RBFOX1: variants seen among roughly 807,000 people sequenced by gnomAD.
RBFOX1 encodes the protein RNA binding protein fox-1 homolog 1.
A neutral mutation model predicts 57.7 loss-of-function variants in RBFOX1; 8 were observed. The observed-to-expected ratio is 0.14, with a 90% CI of 0.08 to 0.25. The LOEUF (loss-of-function observed/expected upper bound fraction) is 0.25. Among genes scored for constraint, RBFOX1 ranks in the 10% least tolerant of loss-of-function variants. The pLI is 1.00. For missense variants in RBFOX1, 611 were observed against 548.5 expected, an observed-to-expected ratio of 1.11 and a Z score of -1.14; for synonymous variants, 326 against 222.4, an observed-to-expected ratio of 1.47 and a Z score of -4.15.
chr16:7,509,011 T>A (rs2074247326), intron 4 of RBFOX1, among the ~76,000 whole-genome samples: 1 of 152,202 alleles, frequency 6.6e-6, no homozygotes, highest in Non-Finnish European at 1.5e-5. Context: ...GTTGTTGTAG[T>A]TTTCATAATA....
intron 3 of RBFOX1, among the ~76,000 whole-genome samples, chr16:6,750,665 G>C (rs1477636309): frequency 6.6e-6 from 1 of 152,072 alleles, no homozygotes; most frequent in East Asian, 1.9e-4. Context: ...CTGGGACAGG[G>C]GTGTTCATTG....
chr16:6,678,447 A>G (rs756877808), intron 3 of RBFOX1, among the ~76,000 whole-genome samples: 1 of 151,762 alleles, frequency 6.6e-6, no homozygotes, highest in Non-Finnish European at 1.5e-5. Context: ...GATATATAAT[A>G]TGTTTAGGTG....
intron 3 of RBFOX1, among the ~76,000 whole-genome samples, chr16:6,975,169 G>A (rs188061701): frequency 6.6e-6 from 1 of 152,278 alleles, no homozygotes; most frequent in African/African-American, 2.4e-5. Context: ...GTGGGTTCCT[G>A]TGATGGTACT....
At chr16:5,683,368 C>T (rs889563101) in intron 3 of RBFOX1, among the ~76,000 whole-genome samples, 3 of 151,902 alleles carry the variant, frequency 2.0e-5, no homozygotes, top group Non-Finnish European at 4.4e-5. Context: ...ATGGTCAATA[C>T]TGAGTGTCAA....
intron 1 of RBFOX1, among the ~76,000 whole-genome samples, chr16:5,376,962 C>T (rs1317214634): frequency 6.6e-6 from 1 of 150,396 alleles, no homozygotes; most frequent in South Asian, 2.1e-4. Context: ...CTCCCTTCTC[C>T]AAGTCTCTTC....
At chr16:5,439,528 C>G (rs150303554) in intron 1 of RBFOX1, among the ~76,000 whole-genome samples, 27 of 151,862 alleles carry the variant, frequency 1.8e-4, no homozygotes, top group African/African-American at 6.5e-4. Flanking sequence ...ATAGGTATCT[C>G]GTAGGTAGAA....
chr16:5,602,825 G>A (rs975861158), downstream of RBFOX1, among the ~76,000 whole-genome samples: 1 of 152,082 alleles, frequency 6.6e-6, no homozygotes, highest in Non-Finnish European at 1.5e-5. Flanking sequence ...TGTAATAATA[G>A]TACTAATACT....
At chr16:7,403,759 T>A (rs2098284496) in intron 4 of RBFOX1, among the ~76,000 whole-genome samples, 1 of 152,118 alleles carries the variant, frequency 6.6e-6, no homozygotes, top group African/African-American at 2.4e-5. Context: ...TTGGCCAGGT[T>A]GGTCTCGAAC....
intron 3 of RBFOX1, among the ~76,000 whole-genome samples, chr16:6,655,494 C>T (rs2098643689): frequency 1.3e-5 from 2 of 149,704 alleles, no homozygotes; most frequent in Non-Finnish European, 3.0e-5. Flanking sequence ...GGGGCAATGC[C>T]ATTTTCTACA....
At chr16:5,931,207 T>G (rs566938709) in intron 4 of RBFOX1, among the ~76,000 whole-genome samples, 1 of 152,136 alleles carries the variant, frequency 6.6e-6, no homozygotes, top group Non-Finnish European at 1.5e-5. Flanking sequence ...TCAATCATCC[T>G]ATTGCTCATG....
intron 3 of RBFOX1, among the ~76,000 whole-genome samples, chr16:6,954,616 A>G (rs990060020): frequency 6.6e-6 from 1 of 152,082 alleles, no homozygotes; most frequent in African/African-American, 2.4e-5. Context: ...AGATGGAGAA[A>G]CTGAGGCAAA....
intron 1 of RBFOX1, among the ~76,000 whole-genome samples, chr16:5,365,455 G>C (rs372492486): frequency 6.6e-6 from 1 of 152,132 alleles, no homozygotes; most frequent in African/African-American, 2.4e-5. Flanking sequence ...AACACATGAG[G>C]CCAGGAGTTT....
chr16:7,420,398 G>C (rs1420038656), intron 4 of RBFOX1, among the ~76,000 whole-genome samples: 8 of 152,094 alleles, frequency 5.3e-5, no homozygotes, highest in African/African-American at 1.9e-4. Flanking sequence ...GAAGGAGGTT[G>C]GTAGTTACAG....
intron 1 of RBFOX1, among the ~76,000 whole-genome samples, chr16:6,035,467 A>C (rs1326586151): frequency 1.3e-5 from 2 of 152,216 alleles, no homozygotes; most frequent in African/African-American, 4.8e-5. Context: ...TTTGTCTTTT[A>C]AAATGTAGTT....
At chr16:7,425,935 G>T (rs184320889) in intron 4 of RBFOX1, among the ~76,000 whole-genome samples, 12 of 152,276 alleles carry the variant, frequency 7.9e-5, no homozygotes, top group Admixed American at 3.3e-4. Flanking sequence ...ATTCTCCTCA[G>T]TGTTTACAGA....
In RBFOX1 at chr16:5,795,105, T is replaced by C. The variant is rs77655873; in HGVS notation, c.319-72198T>C. On this transcript the variant is annotated intron_variant, in intron 3 of 19. Transcript: ENST00000641259. ...CTCATGTGGAGAATGGGAAAAGAAA[T>C]ACCTACCTTATTATATTGTTTCTGT... Among the ~76,000 whole-genome samples, 1,581 of 152,274 alleles carry C rather than the reference T, an allele frequency of 0.01. 69 individuals are homozygous for C. The East Asian group carries it at 0.12, about 12-fold the overall frequency.
At chr16:7,475,963 T>G (rs1357524423) in intron 4 of RBFOX1, among the ~76,000 whole-genome samples, 1 of 152,068 alleles carries the variant, frequency 6.6e-6, no homozygotes. Context: ...CATTATTTTA[T>G]TTTATTTATT....
intron 5 of RBFOX1, among the ~76,000 whole-genome samples, chr16:7,545,631 G>C (rs1601480619): frequency 6.6e-6 from 1 of 152,208 alleles, no homozygotes. Context: ...CTCTGACCCA[G>C]TACGTTTAGA....
chr16:6,653,965 TTGGACGGATGGATGGA>T (rs1157870305), intron 2 of RBFOX1, among the ~76,000 whole-genome samples: 3,935 of 125,722 alleles, frequency 0.031, 85 homozygotes, highest in Non-Finnish European at 0.051. Flanking sequence ...GGATGGATGG[TTGGACGGATGGATGGA>T]TGGATGGATG....
Sources: gnomAD v4.1 joint callset for allele counts (sites outside exome capture counted in the v4.1 genomes callset) on GRCh38, gnomAD v4.1.1 for gene constraint, MANE v1.5 for transcripts, NCBI Gene and HGNC (gene_info 2026-07-23, HGNC 2026-07-21) for gene names.